Variants in TIE1 observed in about 807,000 individuals in gnomAD.
TIE1 encodes the protein tyrosine kinase with immunoglobulin like and EGF like domains 1, also known as tyrosine-protein kinase receptor Tie-1.
TIE1 carries 89 observed loss-of-function variants against 130.5 expected under a neutral mutation model. The observed-to-expected ratio is 0.68, with a 90% CI of 0.57 to 0.81. The LOEUF is 0.81. Among genes scored for constraint, TIE1 ranks in the 40% least tolerant of loss-of-function variants. TIE1 has a pLI of 0.00. For synonymous variants in TIE1, 568 were observed against 629.4 expected (o/e 0.90, Z 1.46); for missense variants, 1,392 against 1,559.8 (o/e 0.89, Z 1.81).
chr1:43,305,240 G>A lies in TIE1; in HGVS notation c.381G>A (p.Leu127=). 1 of 1,613,996 alleles carries A rather than the reference G, an allele frequency of 6.2e-7. No individual in the cohort carries two copies. The highest frequency in any genetic ancestry group is 8.5e-7 in the Non-Finnish European group (1 of 1,179,936). Residue 127 remains leucine (L), a synonymous_variant, in exon 3 of 23, where the codon CTG becomes CTA. Coordinates refer to ENST00000372476, the MANE Select transcript of TIE1 (RefSeq NM_005424.5). ...IYVHNSPGAH[L]LPDKVTHTVN... ...CCACCTTCCACCCCGCAGCCCACCT[G>A]CTTCCAGACAAGGTCACACACACTG... is the stretch of plus-strand genomic sequence containing the variant.
At chr1:43,311,276 T>C (rs1048370939) in intron 9 of TIE1, among the ~76,000 whole-genome samples, 1 of 151,906 alleles carries the variant, frequency 6.6e-6, no homozygotes, top group Non-Finnish European at 1.5e-5. Flanking sequence ...GAGCAGGTGC[T>C]TCAGTGCCAG....
Position 43,317,585 on chromosome 1 carries a change from A to G in TIE1, c.2642A>G (p.His881Arg), listed in dbSNP as rs751113311. The G allele has an allele frequency of 6.2e-7, 1 of 1,608,688 alleles. No homozygotes were observed. The highest frequency in any genetic ancestry group is 8.5e-7 in the Non-Finnish European group (1 of 1,176,268). Residue 881 changes from histidine to arginine, a missense_variant, in exon 16 of 23, where the codon CAT (histidine) becomes CGT (arginine). His to Arg is a conservative substitution (Grantham distance 29). Around this residue, in one of 6 missense-constraint regions of TIE1, gnomAD observed 286 missense variants for 354.4 expected, o/e 0.81. Coordinates refer to ENST00000372476, the MANE Select transcript of TIE1 (RefSeq NM_005424.5). The surrounding 1 kb of genome is among the most constrained non-coding windows in gnomAD (Gnocchi z 5.1). Reference sequence around the variant, plus strand: ...ACAGAGTATGCCTCTGAAAATGACCATCGTGACTTTGCGGGAGAACTGGAA... The same window carrying G: ...ACAGAGTATGCCTCTGAAAATGACCGTCGTGACTTTGCGGGAGAACTGGAA... ...MLKEYASEND[H>R]RDFAGELEVL...
Position 43,313,952 on chromosome 1 carries a change from C to G in TIE1, c.2393C>G (p.Thr798Ser), listed in dbSNP as rs1457894680. The G allele has an allele frequency of 6.2e-7, 1 of 1,614,180 alleles. No homozygotes were observed. Among genetic ancestry groups the G allele is most frequent in the Admixed American group, 1.7e-5 (1 of 60,022 alleles). ...TGCCTGCATCGGAGACGCACCTTCA[C>G]CTACCAGTCAGGCTCGGTCAGTGAC... ...RSCLHRRRTF[T>S]YQSGSGEETI... The change falls in exon 14 of 23, where the codon ACC (threonine) becomes AGC (serine). Residue 798 changes from threonine to serine, a missense_variant. Physicochemically the swap from Thr to Ser is moderately conservative, Grantham distance 58 (BLOSUM62 1). Coordinates refer to ENST00000372476, the MANE Select transcript of TIE1 (RefSeq NM_005424.5). This position sits in a 1 kb window ranked among gnomAD's most constrained non-coding sequence, Gnocchi z 6.2.
Position 43,312,081 on chromosome 1 carries a change from G to C in TIE1, c.1580G>C (p.Gly527Ala), listed in dbSNP as rs1646801885. The part of the protein sequence containing the change: ...VRVQLSRPGE[G>A]GEGAWGPPTL... ...GTGCAGCTGAGCCGGCCAGGGGAAGGAGGAGAGGGGGCCTGGGGGCCTCCC... is the reference window on the plus strand; with the variant it reads ...GTGCAGCTGAGCCGGCCAGGGGAAGCAGGAGAGGGGGCCTGGGGGCCTCCC... The change falls in exon 11 of 23, where the codon GGA becomes GCA. Residue 527 changes from glycine to alanine, a missense_variant. Physicochemically the swap from Gly to Ala is moderately conservative, Grantham distance 60 (BLOSUM62 0). Coordinates refer to ENST00000372476, the MANE Select transcript of TIE1 (RefSeq NM_005424.5). This position sits in a 1 kb window ranked among gnomAD's most constrained non-coding sequence, Gnocchi z 5.6. 1 of 1,600,620 alleles carries C rather than the reference G, an allele frequency of 6.2e-7. No homozygotes were observed. The highest frequency in any genetic ancestry group is 1.3e-5 in the African/African-American group (1 of 74,600).
Position 43,322,786 on chromosome 1 carries a change from C to A in TIE1, c.*64C>A. 6.7e-7 allele frequency: 1 copy of A among 1,500,102 alleles called. No homozygotes were observed. The highest frequency in any genetic ancestry group is 9.2e-7 in the Non-Finnish European group (1 of 1,085,580). The allele number at this position is 1,500,102 out of a possible 1,614,324, so 92.9% of individuals were successfully genotyped here. ...CAAACTCTGCTGTCTAACCTGTGACCAGTCTGACCCTTACAGCCTCTGACT... is the reference window on the plus strand; with the variant it reads ...CAAACTCTGCTGTCTAACCTGTGACAAGTCTGACCCTTACAGCCTCTGACT... On this transcript the variant is annotated 3_prime_UTR_variant, in exon 23 of 23. Coordinates refer to ENST00000372476, the MANE Select transcript of TIE1 (RefSeq NM_005424.5). The surrounding 1 kb of genome is among the most constrained non-coding windows in gnomAD (Gnocchi z 4.0).
At chr1:43,308,501 G>A (rs1646754178) in intron 7 of TIE1, among the ~76,000 whole-genome samples, 1 of 152,236 alleles carries the variant, frequency 6.6e-6, no homozygotes, top group Non-Finnish European at 1.5e-5. Flanking sequence ...GTGGAGTGGG[G>A]GACTGGGGAA....
chr1:43,319,711 T>C lies in TIE1; in HGVS notation c.3107+182T>C, dbSNP rs1203221466. 1 of 633,490 alleles carries C rather than the reference T, an allele frequency of 1.6e-6. No individual in the cohort carries two copies. The highest frequency in any genetic ancestry group is 1.9e-5 in the South Asian group (1 of 53,970). 39.2% of individuals were successfully genotyped at this position (633,490 alleles called of 1,614,324 possible). A position where few individuals can be genotyped will look rare whatever the true frequency, so the allele number is the denominator to read the frequency against. On this transcript the variant is annotated intron_variant, in intron 19 of 22. Coordinates refer to ENST00000372476, the MANE Select transcript of TIE1 (RefSeq NM_005424.5). This position sits in a 1 kb window ranked among gnomAD's most constrained non-coding sequence, Gnocchi z 4.7. ...CCAAGGTGGGGCTTGCTGGAAGGAG[T>C]CTTGGAAGGTGTTTCAGGAATAGGA...
Position 43,311,975 on chromosome 1 carries a change from C to G in TIE1, c.1493-19C>G, listed in dbSNP as rs1570440634. 2 of 1,571,870 alleles carry G rather than the reference C, an allele frequency of 1.3e-6. No individual in the cohort carries two copies. Among genetic ancestry groups the G allele is most frequent in the Non-Finnish European group, 1.7e-6 (2 of 1,155,530 alleles). ...AGAGGTGGGGGCTGAATAATGTGTG[C>G]TTTACACCCCACGCCCAGTGGACCC... On this transcript the variant is annotated intron_variant, in intron 10 of 22. Coordinates refer to ENST00000372476, the MANE Select transcript of TIE1 (RefSeq NM_005424.5).
rs1286596841 is a variant in TIE1 at position 43,319,858 on chromosome 1, A to C, written c.3107+329A>C. On this transcript the variant is annotated intron_variant, in intron 19 of 22. Transcript: ENST00000372476. This position sits in a 1 kb window ranked among gnomAD's most constrained non-coding sequence, Gnocchi z 4.7. Reference sequence around the variant, plus strand: ...GAGAGGCCACTCAGGAATTGCTCTCATCTTCCTCCCTGAAGGGCAAGGTCA... The same window carrying C: ...GAGAGGCCACTCAGGAATTGCTCTCCTCTTCCTCCCTGAAGGGCAAGGTCA... 1 of 358,780 alleles carries C rather than the reference A, an allele frequency of 2.8e-6. No homozygotes were observed. Among genetic ancestry groups the C allele is most frequent in the Non-Finnish European group, 5.3e-6 (1 of 187,934 alleles). 22.2% of individuals were successfully genotyped at this position (358,780 alleles called of 1,614,324 possible). A position where few individuals can be genotyped will look rare whatever the true frequency, so the allele number is the denominator to read the frequency against.
chr1:43,308,107 A>G (rs1646749579), intron 7 of TIE1, among the ~76,000 whole-genome samples, 183 bp downstream of exon 7: 1 of 152,186 alleles, frequency 6.6e-6, no homozygotes, highest in Non-Finnish European at 1.5e-5. Context: ...GAGTCAGTCC[A>G]GCAGGGAGCC....
chr1:43,322,518 G>C lies in TIE1; in HGVS notation c.3346-133G>C. ...CCCTGGGCTGGTAAAGGCCACTCTT[G>C]GCCATGGGGCCATCTTAGGTCTCCA... On this transcript the variant is annotated intron_variant, in intron 22 of 22. Transcript: ENST00000372476. This position sits in a 1 kb window ranked among gnomAD's most constrained non-coding sequence, Gnocchi z 4.0. The C allele has an allele frequency of 2.9e-6, 2 of 688,506 alleles. No homozygotes were observed. Among genetic ancestry groups the C allele is most frequent in the Non-Finnish European group, 5.1e-6 (2 of 392,604 alleles). The allele number at this position is 688,506 out of a possible 1,614,324, so 42.6% of individuals were successfully genotyped here.
chr1:43,309,723 G>A lies in TIE1; in HGVS notation c.1333+191G>A, dbSNP rs960532239. Among the ~76,000 whole-genome samples the A allele has an allele frequency of 2.6e-5, 4 of 152,124 alleles. No individual in the cohort carries two copies. Among genetic ancestry groups the A allele is most frequent in the Non-Finnish European group, 5.9e-5 (4 of 68,016 alleles). The stretch of plus-strand genomic sequence containing the variant: ...AGTGTCAAGGCTGGAGTACAGCTTA[G>A]ACCCATCTGGAAAGGACATCCCGTG... On this transcript the variant is annotated intron_variant, in intron 9 of 22. Coordinates refer to ENST00000372476, the MANE Select transcript of TIE1 (RefSeq NM_005424.5). The surrounding 1 kb of genome is among the most constrained non-coding windows in gnomAD (Gnocchi z 6.3).
At chr1:43,308,025 G>A (rs1251547767) in intron 7 of TIE1, 101 bp downstream of exon 7, 2 of 1,518,848 alleles carry the variant, frequency 1.3e-6, no homozygotes, top group Non-Finnish European at 1.8e-6. Flanking sequence ...CCCTACGAGG[G>A]TCCAAGTCCT....
Position 43,307,396 on chromosome 1 carries a change from A to G in TIE1, c.773-36A>G. The G allele has an allele frequency of 6.2e-7, 1 of 1,612,854 alleles. No homozygotes were observed. Among genetic ancestry groups the G allele is most frequent in the Non-Finnish European group, 8.5e-7 (1 of 1,179,278 alleles). On this transcript the variant is annotated intron_variant, in intron 5 of 22. Transcript: ENST00000372476. The surrounding 1 kb of genome is among the most constrained non-coding windows in gnomAD (Gnocchi z 5.4). Reference sequence around the variant, plus strand: ...AGGCAGGTCCTGGGCCCAGGGGCCCACAGAGGCCCATACACCCCACACACT... The same window carrying G: ...AGGCAGGTCCTGGGCCCAGGGGCCCGCAGAGGCCCATACACCCCACACACT...
chr1:43,312,008 A>AACGTGACGTTAATGAACCTG lies in TIE1; in HGVS notation c.1509_1528dup (p.Arg510ThrfsTer2). On this transcript the variant is annotated frameshift_variant, in exon 11 of 23. Coordinates refer to ENST00000372476, the MANE Select transcript of TIE1 (RefSeq NM_005424.5). LOFTEE classifies it high-confidence loss of function. The surrounding 1 kb of genome is among the most constrained non-coding windows in gnomAD (Gnocchi z 5.6). ...CCCACGCCCAGTGGACCCCAGTGAG[A>AACGTGACGTTAATGAACCTG]ACGTGACGTTAATGAACCTGAGGCC... The AACGTGACGTTAATGAACCTG allele has an allele frequency of 6.3e-7, 1 of 1,595,304 alleles. No homozygotes were observed. Among genetic ancestry groups the AACGTGACGTTAATGAACCTG allele is most frequent in the South Asian group, 1.1e-5 (1 of 88,736 alleles).
chr1:43,321,983 T>C (rs1026550017), intron 22 of TIE1, among the ~76,000 whole-genome samples: 12 of 152,198 alleles, frequency 7.9e-5, no homozygotes, highest in South Asian at 2.1e-4. Flanking sequence ...CCCAGACTGC[T>C]TGCCTGTCCT....
chr1:43,313,721 G>T lies in TIE1; in HGVS notation c.2219-57G>T. On this transcript the variant is annotated intron_variant, in intron 13 of 22. Transcript: ENST00000372476. This position sits in a 1 kb window ranked among gnomAD's most constrained non-coding sequence, Gnocchi z 6.2. ...TCTCCCTCTGTGTAACCCCATGGTG[G>T]CCTCTGGGTTCCCTGACCCAGGTGT... 6.5e-7 allele frequency: 1 copy of T among 1,527,660 alleles called. No individual in the cohort carries two copies. The highest frequency in any genetic ancestry group is 8.8e-7 in the Non-Finnish European group (1 of 1,130,690). The allele number at this position is 1,527,660 out of a possible 1,614,324, so 94.6% of individuals were successfully genotyped here.
chr1:43,321,050 A>AC lies in TIE1; in HGVS notation c.3108-219_3108-218insC, dbSNP rs1449206716. Among the ~76,000 whole-genome samples the AC allele has an allele frequency of 4.6e-3, 590 of 128,310 alleles. 2 individuals carry two copies. The highest frequency in any genetic ancestry group is 0.015 in the African/African-American group (530 of 34,416). 84.2% of individuals were successfully genotyped at this position (128,310 alleles called of 152,430 possible). On this transcript the variant is annotated intron_variant, in intron 19 of 22. Transcript: ENST00000372476. ...CCTGTCTCAAAAAAAAAAAAAAAAA[A>AC]AAAACAAAACAAAAGAGCTCTAATT...
intron 1 of TIE1, among the ~76,000 whole-genome samples, chr1:43,302,027 G>A (rs1484185501): frequency 6.6e-6 from 1 of 152,158 alleles, no homozygotes; most frequent in Non-Finnish European, 1.5e-5. Flanking sequence ...CTGCAACCTG[G>A]GATCAGGGGA....
Sources: allele counts gnomAD v4.1 joint callset (sites outside exome capture counted in the v4.1 genomes callset), GRCh38; gene constraint gnomAD v4.1.1; regional missense constraint gnomAD v4.1.1; non-coding constraint Gnocchi (gnomAD v3.1); transcripts MANE v1.5; gene names NCBI Gene and HGNC (gene_info 2026-07-23, HGNC 2026-07-21).